The following EPS8 variants were observed in gnomAD, a reference collection of about 807,000 sequenced individuals.
The protein encoded by EPS8 is epidermal growth factor receptor kinase substrate 8.
EPS8 carries 42 observed loss-of-function variants against 103.8 expected under a neutral mutation model. The ratio of observed to expected loss-of-function variants is 0.40; its 90% confidence interval spans 0.32 to 0.52. EPS8 has a LOEUF of 0.52. Among genes scored for constraint, EPS8 ranks in the 20% least tolerant of loss-of-function variants. The pLI is 0.40. For missense variants in EPS8, 969 were observed against 1,005.1 expected (o/e 0.96, Z 0.49); for synonymous variants, 344 against 344.6 (o/e 1.00, Z 0.02).
In EPS8 at chr12:15,702,984, A is replaced by C. The variant is rs1011585342; in HGVS notation, c.-21-20012T>G. On this transcript the variant is annotated intron_variant, in intron 1 of 20. Coordinates refer to ENST00000281172, the MANE Select transcript of EPS8 (RefSeq NM_004447.6). The surrounding 1 kb of genome is among the most constrained non-coding windows in gnomAD (Gnocchi z 5.1). ...GCCAACATAGTGAAACCCCATCTCC[A>C]CTAAAAATACAAAAATTAGCTGGGT... Among the ~76,000 whole-genome samples the C allele has an allele frequency of 6.6e-6, 1 of 152,122 alleles. No individual in the cohort carries two copies. The highest frequency in any genetic ancestry group is 2.1e-4 in the South Asian group (1 of 4,814).
chr12:15,645,122 A>G (rs1189261748), intron 15 of EPS8, among the ~76,000 whole-genome samples: 1 of 152,076 alleles, frequency 6.6e-6, no homozygotes, highest in Non-Finnish European at 1.5e-5. Flanking sequence ...GGTTACAAAA[A>G]GAAACCTTAT....
rs530826528 is a variant in EPS8, at chr12:15,721,148, T to C, written c.-21-38176A>G. ...TAATAGGTGAAGGCAATCAAAAATA[T>C]GTCCACATATACTCAGAGTGAAAAG... is the stretch of plus-strand genomic sequence containing the variant. On this transcript the variant is annotated intron_variant, in intron 1 of 20. Coordinates refer to ENST00000281172, the MANE Select transcript of EPS8 (RefSeq NM_004447.6). The surrounding 1 kb of genome is among the most constrained non-coding windows in gnomAD (Gnocchi z 4.4). 1.3e-5 allele frequency among the ~76,000 whole-genome samples: 2 copies of C among 152,192 alleles called. No individual in the cohort carries two copies. Among genetic ancestry groups the C allele is most frequent in the Non-Finnish European group, 2.9e-5 (2 of 68,042 alleles).
intron 13 of EPS8, among the ~76,000 whole-genome samples, chr12:15,653,335 C>T (rs1209287279): frequency 6.6e-6 from 1 of 152,178 alleles, no homozygotes; most frequent in African/African-American, 2.4e-5. Flanking sequence ...CCACAGCCTA[C>T]AGAACCACAC....
intron 10 of EPS8, 35 bp from the exon 11 acceptor site, chr12:15,658,620 A>C: frequency 7.4e-7 from 1 of 1,344,042 alleles, no homozygotes; most frequent in South Asian, 1.2e-5. Context: ...GATCAGAGCA[A>C]AATCCAAGGA....
chr12:15,756,283 C>T (rs967200830), intron 1 of EPS8, among the ~76,000 whole-genome samples: 1 of 152,100 alleles, frequency 6.6e-6, no homozygotes, highest in Non-Finnish European at 1.5e-5. Flanking sequence ...AAAGAGATAA[C>T]AATGAAATAA....
At chr12:15,660,313 G>T (rs1432995706) in intron 10 of EPS8, among the ~76,000 whole-genome samples, 4 of 151,418 alleles carry the variant, frequency 2.6e-5, no homozygotes, top group Admixed American at 6.6e-5. Flanking sequence ...TTCCAGGCTG[G>T]AGTGCAATGG....
intron 17 of EPS8, among the ~76,000 whole-genome samples, chr12:15,636,172 G>A (rs1945130604): frequency 6.6e-6 from 1 of 152,148 alleles, no homozygotes; most frequent in Non-Finnish European, 1.5e-5. Context: ...TATGTGGCAA[G>A]TAGCTTCCAG....
intron 1 of EPS8, among the ~76,000 whole-genome samples, chr12:15,755,703 C>A (rs1946979675): frequency 6.6e-6 from 1 of 152,164 alleles, no homozygotes; most frequent in Admixed American, 6.5e-5. Flanking sequence ...CAAACCCACA[C>A]CTCCACTCAA....
chr12:15,752,371 C>T lies in EPS8; in HGVS notation c.-22+36790G>A, dbSNP rs1190373402. Among the ~76,000 whole-genome samples, 1 of 151,800 alleles carries T rather than the reference C, an allele frequency of 6.6e-6. No homozygotes were observed. Among genetic ancestry groups the T allele is most frequent in the African/African-American group, 2.4e-5 (1 of 41,298 alleles). On this transcript the variant is annotated intron_variant, in intron 1 of 20. Coordinates refer to ENST00000281172, the MANE Select transcript of EPS8 (RefSeq NM_004447.6). The surrounding 1 kb of genome is among the most constrained non-coding windows in gnomAD (Gnocchi z 4.4). ...CTAAGGCAGGAGAATGGCGTGAACC[C>T]GCGAGGCGGAGCTTGCAGTGAGCTG...
intron 17 of EPS8, among the ~76,000 whole-genome samples, chr12:15,638,556 T>C (rs998117711): frequency 6.6e-6 from 1 of 152,216 alleles, no homozygotes; most frequent in African/African-American, 2.4e-5. Context: ...ACTACATTTG[T>C]AGTTGCAACC....
rs796807987 is a variant in EPS8, at chr12:15,784,138, T to A, written c.-22+5023A>T. Among the ~76,000 whole-genome samples, 2 of 152,298 alleles carry A rather than the reference T, an allele frequency of 1.3e-5. No homozygotes were observed. Among genetic ancestry groups the A allele is most frequent in the African/African-American group, 4.8e-5 (2 of 41,576 alleles). The stretch of plus-strand genomic sequence containing the variant: ...TAACACAAAAGCCTATCCATGAAAT[T>A]GGTAAGTTGGCCTTATTAAAATTAA... On this transcript the variant is annotated intron_variant, in intron 1 of 20. Coordinates refer to ENST00000281172, the MANE Select transcript of EPS8 (RefSeq NM_004447.6). The surrounding 1 kb of genome is among the most constrained non-coding windows in gnomAD (Gnocchi z 4.0).
Position 15,785,891 on chromosome 12 carries a change from TTAGA to T in EPS8, c.-22+3266_-22+3269del, listed in dbSNP as rs757279422. ...AGCATTGTATTATAACCCAAAATAT[TTAGA>T]TAGATAGATAGATTTTATATTTATA... On this transcript the variant is annotated intron_variant, in intron 1 of 20. Coordinates refer to ENST00000281172, the MANE Select transcript of EPS8 (RefSeq NM_004447.6). The surrounding 1 kb of genome is among the most constrained non-coding windows in gnomAD (Gnocchi z 4.9). Among the ~76,000 whole-genome samples, 62 of 151,804 alleles carry T rather than the reference TTAGA, an allele frequency of 4.1e-4. No individual in the cohort carries two copies. Among genetic ancestry groups the T allele is most frequent in the Admixed American group, 7.9e-4 (12 of 15,250 alleles).
intron 17 of EPS8, among the ~76,000 whole-genome samples, chr12:15,632,763 A>C (rs910964656): frequency 6.6e-6 from 1 of 151,934 alleles, no homozygotes; most frequent in Non-Finnish European, 1.5e-5. Context: ...AAAAATACAC[A>C]CCACACACAG....
chr12:15,659,189 T>C (rs1945560476), intron 10 of EPS8, among the ~76,000 whole-genome samples: 1 of 152,082 alleles, frequency 6.6e-6, no homozygotes, highest in Non-Finnish European at 1.5e-5. Context: ...AGATTGTGGA[T>C]AACCTTGATT....
At chr12:15,659,334 G>T (rs900310048) in intron 10 of EPS8, among the ~76,000 whole-genome samples, 1 of 151,922 alleles carries the variant, frequency 6.6e-6, no homozygotes, top group Non-Finnish European at 1.5e-5. Context: ...AGACTGCTTC[G>T]AAAGCAGGGT....
intron 1 of EPS8, among the ~76,000 whole-genome samples, 199 bp downstream of exon 1, chr12:15,788,962 C>G (rs1460495416): frequency 1.3e-5 from 2 of 152,182 alleles, no homozygotes; most frequent in Non-Finnish European, 2.9e-5. Context: ...CTTGCCCGGA[C>G]CCGGCGAGCG....
chr12:15,712,824 A>G lies in EPS8; in HGVS notation c.-21-29852T>C, dbSNP rs569311543. The G allele has an allele frequency of 6.1e-5, 60 of 978,184 alleles. No individual in the cohort carries two copies. In the African/African-American group the frequency reaches 9.3e-4, roughly 15 times the overall value. 60.6% of individuals were successfully genotyped at this position (978,184 alleles called of 1,614,324 possible). A position where few individuals can be genotyped will look rare whatever the true frequency, so the allele number is the denominator to read the frequency against. On this transcript the variant is annotated intron_variant, in intron 1 of 20. Transcript: ENST00000281172. Reference sequence around the variant, plus strand: ...CCTTTGAGAGCCCTCCTTAGCAAAGAAAATATTAACAAATTCAAACTTACC... The same window carrying G: ...CCTTTGAGAGCCCTCCTTAGCAAAGGAAATATTAACAAATTCAAACTTACC...
rs1946241588 is a variant in EPS8 at position 15,696,265 on chromosome 12, TAA to T, written c.-21-13295_-21-13294del. On this transcript the variant is annotated intron_variant, in intron 1 of 20. Coordinates refer to ENST00000281172, the MANE Select transcript of EPS8 (RefSeq NM_004447.6). The surrounding 1 kb of genome is among the most constrained non-coding windows in gnomAD (Gnocchi z 4.8). ...GGTAGCAGTTTGAACATAAGCAAAA[TAA>T]AAGACAGTAGGGATGAAGAAACACA... 6.6e-6 allele frequency among the ~76,000 whole-genome samples: 1 copy of T among 152,016 alleles called. No homozygotes were observed. Among genetic ancestry groups the T allele is most frequent in the Admixed American group, 6.6e-5 (1 of 15,244 alleles).
At chr12:15,665,717 A>C (rs1030304653) in intron 8 of EPS8, 39 bp downstream of exon 8, 2 of 1,609,416 alleles carry the variant, frequency 1.2e-6, no homozygotes, top group Non-Finnish European at 1.7e-6. Flanking sequence ...CCCAACCCAA[A>C]GTAAGTGTTC....
Sources: gnomAD v4.1 joint callset for allele counts (sites outside exome capture counted in the v4.1 genomes callset) on GRCh38, gnomAD v4.1.1 for gene constraint, Gnocchi (gnomAD v3.1) non-coding constraint, MANE v1.5 for transcripts, NCBI Gene and HGNC (gene_info 2026-07-23, HGNC 2026-07-21) for gene names.